PPIP5K2: variants seen among roughly 807,000 people sequenced by gnomAD.
The protein encoded by PPIP5K2 is diphosphoinositol pentakisphosphate kinase 2.
In PPIP5K2, 105 loss-of-function variants were observed where a neutral mutation model predicts 154.6. The observed-to-expected ratio is 0.68, with a 90% CI of 0.58 to 0.80. The LOEUF (loss-of-function observed/expected upper bound fraction) is 0.80, where lower values mean the gene tolerates loss of function less well. Among genes scored for constraint, PPIP5K2 ranks in the 30% least tolerant of loss-of-function variants. The pLI, the probability that PPIP5K2 is intolerant of heterozygous loss-of-function variation, is 0.00. For synonymous variants in PPIP5K2, 480 were observed against 490.3 expected (o/e 0.98, Z 0.28); for missense variants, 992 against 1,504.6 (o/e 0.66, Z 5.64).
chr5:103,138,363 G>A (rs782466870), intron 4 of PPIP5K2, 21 bp from the exon 5 acceptor site: 3 of 1,376,994 alleles, frequency 2.2e-6, no homozygotes, highest in Admixed American at 2.0e-5. Context: ...AAACAATAAG[G>A]ATGTTTCCCT....
intron 24 of PPIP5K2, among the ~76,000 whole-genome samples, chr5:103,181,273 A>T (rs1023777498): frequency 1.3e-5 from 2 of 152,102 alleles, no homozygotes; most frequent in Non-Finnish European, 2.9e-5. Flanking sequence ...TAGTAAAAGT[A>T]TAAAGGAAGA....
chr5:103,146,734 A>G (rs2149538089), intron 6 of PPIP5K2, 53 bp downstream of exon 6: 2 of 1,441,646 alleles, frequency 1.4e-6, no homozygotes, highest in Non-Finnish European at 1.9e-6. Context: ...ATTGTCGTGT[A>G]TTATTAAAAG....
rs782522000 is a variant in PPIP5K2, at chr5:103,158,291, G to A, written c.1593G>A (p.Arg531=). ...VQAEELGRAF[R]CMYPGGQGDY... is the part of the protein sequence containing the mutation. ...CTGAAGAACTTGGAAGAGCCTTCAG[G>A]TGTATGTATCCTGGAGGTCAAGGTA... is the stretch of plus-strand genomic sequence containing the variant. Residue 531 remains arginine, a synonymous_variant, in exon 15 of 31, where the codon AGG becomes AGA. Coordinates refer to ENST00000358359, the MANE Select transcript of PPIP5K2 (RefSeq NM_001276277.3). 5 of 1,613,996 alleles carry A rather than the reference G, an allele frequency of 3.1e-6. No homozygotes were observed. The highest frequency in any genetic ancestry group is 2.2e-5 in the South Asian group (2 of 91,072).
In PPIP5K2 at chr5:103,210,936, G is replaced by C. The variant is rs1024519139; in HGVS notation, c.*9302G>C. On this transcript the variant is annotated 3_prime_UTR_variant, in exon 31 of 31. Transcript: ENST00000358359. ...ATACAGTTATGGAAATATTTCTGCT[G>C]CAAGAAAAGAATTACATACAACTAG... 6.6e-6 allele frequency: 1 copy of C among 152,070 alleles called. No individual in the cohort carries two copies. The highest frequency in any genetic ancestry group is 1.5e-5 in the Non-Finnish European group (1 of 67,986). 9.4% of individuals were successfully genotyped at this position (152,070 alleles called of 1,614,324 possible).
At chr5:103,179,873 TAGAAG>T (rs1645272840) in intron 23 of PPIP5K2, 143 bp from the exon 24 acceptor site, 10 of 591,366 alleles carry the variant, frequency 1.7e-5, no homozygotes, top group Non-Finnish European at 2.4e-5. Context: ...ACTAAGCTGT[TAGAAG>T]AGTTCAATTA....
chr5:103,156,833 A>G (rs559089891), intron 14 of PPIP5K2, among the ~76,000 whole-genome samples: 18 of 152,308 alleles, frequency 1.2e-4, no homozygotes, highest in African/African-American at 4.3e-4. Flanking sequence ...AAGATTATCT[A>G]TAGGGATATT....
chr5:103,145,192 A>T (rs1793554690), intron 5 of PPIP5K2, among the ~76,000 whole-genome samples: 1 of 152,184 alleles, frequency 6.6e-6, no homozygotes, highest in African/African-American at 2.4e-5. Context: ...ATGCAAATCA[A>T]ATCTGTGATG....
chr5:103,212,384 G>T lies in PPIP5K2; in HGVS notation c.*10750G>T, dbSNP rs544715029. 90 of 152,404 alleles carry T rather than the reference G, an allele frequency of 5.9e-4. No individual in the cohort carries two copies. The highest frequency in any genetic ancestry group is 2.0e-3 in the African/African-American group (85 of 41,546). The allele number at this position is 152,404 out of a possible 1,614,324, so 9.4% of individuals were successfully genotyped here. ...ACTACAGGAAACAGTTGGCATCCCAGGAGAGTTGTTGCCTGAGGAACTAGA... is the reference window on the plus strand; with the variant it reads ...ACTACAGGAAACAGTTGGCATCCCATGAGAGTTGTTGCCTGAGGAACTAGA... On this transcript the variant is annotated 3_prime_UTR_variant, in exon 31 of 31. Transcript: ENST00000358359.
At chr5:103,175,301 A>G (rs576683301) in intron 21 of PPIP5K2, among the ~76,000 whole-genome samples, 2 of 152,162 alleles carry the variant, frequency 1.3e-5, no homozygotes, top group South Asian at 2.1e-4. Context: ...CCAAATCCAT[A>G]TGTTCTTTCT....
intron 23 of PPIP5K2, 40 bp from the exon 24 acceptor site, chr5:103,179,981 A>T (rs1394228983): frequency 6.8e-7 from 1 of 1,470,054 alleles, no homozygotes; most frequent in Non-Finnish European, 9.1e-7. Context: ...AGATTTCTTA[A>T]ATCTGAATAG....
intron 4 of PPIP5K2, among the ~76,000 whole-genome samples, chr5:103,137,890 G>C (rs531519175): frequency 1.9e-4 from 29 of 150,582 alleles, no homozygotes; most frequent in African/African-American, 6.3e-4. Flanking sequence ...AAAAGTAAAA[G>C]CGTACCGAAA....
rs79869159 is a variant in PPIP5K2, at chr5:103,158,593, A to G, written c.1737+20A>G. Reference sequence around the variant, plus strand: ...GCAAAGGTATAAATAATTTTTTTTTAGAATTATTAGAGTTTTTAATCTAAT... The same window carrying G: ...GCAAAGGTATAAATAATTTTTTTTTGGAATTATTAGAGTTTTTAATCTAAT... On this transcript the variant is annotated intron_variant, in intron 16 of 30. Transcript: ENST00000358359. 3.9e-6 allele frequency: 6 copies of G among 1,540,136 alleles called. No homozygotes were observed. Among genetic ancestry groups the G allele is most frequent in the Non-Finnish European group, 5.2e-6 (6 of 1,148,426 alleles).
chr5:103,202,555 T>C lies in PPIP5K2; in HGVS notation c.*921T>C, dbSNP rs2149869601. On this transcript the variant is annotated 3_prime_UTR_variant, in exon 31 of 31. Transcript: ENST00000358359. ...TAGCATCTGTTTTTAACCATTTCCA[T>C]TCTTATCCCTAGTGTATCAGTTGAT... 6.6e-6 allele frequency: 1 copy of C among 152,304 alleles called. No individual in the cohort carries two copies. The highest frequency in any genetic ancestry group is 3.4e-3 in the Middle Eastern group (1 of 294). 9.4% of individuals were successfully genotyped at this position (152,304 alleles called of 1,614,324 possible).
At position 103,158,573 on chromosome 5, in the gene PPIP5K2, G is replaced by T. The variant is rs1554214536; in HGVS notation, c.1737G>T (p.Lys579Asn). The T allele has an allele frequency of 6.4e-7, 1 of 1,567,546 alleles. No homozygotes were observed. Among genetic ancestry groups the T allele is most frequent in the Non-Finnish European group, 8.6e-7 (1 of 1,165,864 alleles). Reference protein sequence around the residue: ...RVQMTAAAFAKGLLALEGELT... With the variant: ...RVQMTAAAFANGLLALEGELT... ...AGATGACTGCAGCTGCTTTTGCAAA[G>T]GTATAAATAATTTTTTTTTAGAATT... Residue 579 changes from lysine (K) to asparagine (N), a missense_variant and splice_region_variant, in exon 16 of 31, where the codon AAG (lysine) becomes AAT (asparagine). This residue lies in a region of PPIP5K2 where 22 missense variants were observed against 95.5 expected (regional missense o/e 0.23). Transcript: ENST00000358359.
chr5:103,130,454 A>G (rs1249889129), intron 2 of PPIP5K2, among the ~76,000 whole-genome samples: 1 of 152,178 alleles, frequency 6.6e-6, no homozygotes, highest in Non-Finnish European at 1.5e-5. Context: ...TTTAGTTTTA[A>G]GAGAAAAACC....
intron 6 of PPIP5K2, among the ~76,000 whole-genome samples, 175 bp from the exon 7 acceptor site, chr5:103,147,756 G>T (rs186384224): frequency 8.6e-5 from 13 of 151,946 alleles, no homozygotes; most frequent in Non-Finnish European, 1.5e-4. Context: ...GGTAACAATA[G>T]AGACTACTAT....
chr5:103,174,919 A>G (rs1175700547), intron 21 of PPIP5K2, among the ~76,000 whole-genome samples: 2 of 152,034 alleles, frequency 1.3e-5, no homozygotes, highest in Non-Finnish European at 2.9e-5. Context: ...CTTCCCACAT[A>G]CAAAACTCAA....
rs1298181608 is a variant in PPIP5K2, at chr5:103,204,787, T to TA, written c.*3159dup. 1 of 152,078 alleles carries TA rather than the reference T, an allele frequency of 6.6e-6. No homozygotes were observed. The highest frequency in any genetic ancestry group is 1.5e-5 in the Non-Finnish European group (1 of 67,998). 9.4% of individuals were successfully genotyped at this position (152,078 alleles called of 1,614,324 possible). A position where few individuals can be genotyped will look rare whatever the true frequency, so the allele number is the denominator to read the frequency against. On this transcript the variant is annotated 3_prime_UTR_variant, in exon 31 of 31. Coordinates refer to ENST00000358359, the MANE Select transcript of PPIP5K2 (RefSeq NM_001276277.3). The stretch of plus-strand genomic sequence containing the variant: ...TCTATTTTCAGAGAACAGAGCACAT[T>TA]AAAAAATCTATTTAGTATTGTGTAC...
intron 26 of PPIP5K2, 79 bp downstream of exon 26, chr5:103,184,823 A>G (rs1800115079): frequency 9.5e-7 from 1 of 1,056,660 alleles, no homozygotes; most frequent in Non-Finnish European, 1.4e-6. Context: ...TCTTTGGTGA[A>G]AGCATGACCA....
Sources: gnomAD v4.1 joint callset for allele counts (sites outside exome capture counted in the v4.1 genomes callset) on GRCh38, gnomAD v4.1.1 for gene constraint, gnomAD v4.1.1 regional missense constraint, MANE v1.5 for transcripts, NCBI Gene and HGNC (gene_info 2026-07-23, HGNC 2026-07-21) for gene names.